EYA1: variants seen among roughly 807,000 people sequenced by gnomAD.
EYA1 encodes EYA transcriptional coactivator and phosphatase 1.
EYA1 carries 16 observed loss-of-function variants against 82.0 expected under a neutral mutation model. The ratio of observed to expected loss-of-function variants is 0.20; its 90% CI spans 0.13 to 0.30. EYA1 has a LOEUF of 0.30. Ranked by LOEUF, EYA1 falls within the 10% of genes least tolerant of loss-of-function variation. The probability of loss-of-function intolerance (pLI) is 1.00; values close to 1 mark genes in which losing one functional copy is unlikely to be tolerated. For synonymous variants in EYA1, 261 were observed against 264.4 expected (o/e 0.99, Z 0.12); for missense variants, 633 against 730.7 (o/e 0.87, Z 1.54).
chr8:71,428,782 G>C (rs1805422645), intron 2 of EYA1, among the ~76,000 whole-genome samples: 1 of 152,084 alleles, frequency 6.6e-6, no homozygotes, highest in Admixed American at 6.6e-5. Flanking sequence ...TTCAGCATGT[G>C]ACTTAAAAAA....
intron 2 of EYA1, among the ~76,000 whole-genome samples, chr8:71,525,457 T>A (rs534321090): frequency 6.6e-6 from 1 of 152,124 alleles, no homozygotes; most frequent in Admixed American, 6.5e-5. Flanking sequence ...TTAGAAAAAT[T>A]TTTCAATGAA....
At chr8:71,271,723 C>A (rs761068564) in intron 10 of EYA1, 35 bp downstream of exon 10, 2 of 1,613,986 alleles carry the variant, frequency 1.2e-6, no homozygotes, top group Non-Finnish European at 1.7e-6. Context: ...TATTAAGACA[C>A]CTTTCTATTC....
chr8:71,271,436 A>G (rs1816518443), intron 10 of EYA1, among the ~76,000 whole-genome samples: 1 of 152,178 alleles, frequency 6.6e-6, no homozygotes, highest in Non-Finnish European at 1.5e-5. Context: ...TATTTTTAGT[A>G]TGACACTTAA....
chr8:71,202,631 G>A (rs773984722), intron 17 of EYA1, among the ~76,000 whole-genome samples: 16 of 152,160 alleles, frequency 1.1e-4, no homozygotes, highest in Non-Finnish European at 1.8e-4. Flanking sequence ...TTGGGCAGAA[G>A]AGCCAAAGGT....
intron 12 of EYA1, among the ~76,000 whole-genome samples, chr8:71,232,362 C>T (rs540284364): frequency 6.6e-6 from 1 of 152,384 alleles, no homozygotes; most frequent in East Asian, 1.9e-4. Flanking sequence ...GGCTCCGCTG[C>T]ATGCCGTGAC....
intron 11 of EYA1, among the ~76,000 whole-genome samples, chr8:71,251,728 C>T (rs1302827964): frequency 6.6e-6 from 1 of 152,164 alleles, no homozygotes; most frequent in African/African-American, 2.4e-5. Flanking sequence ...AGATCTCTTT[C>T]TCTTATTTCT....
intron 9 of EYA1, among the ~76,000 whole-genome samples, chr8:71,296,711 C>G (rs1236506782): frequency 6.6e-6 from 1 of 151,680 alleles, no homozygotes; most frequent in Non-Finnish European, 1.5e-5. Context: ...TACCTCAAAA[C>G]AGAAATTGTT....
At chr8:71,305,705 T>C (rs1820661212) in intron 7 of EYA1, among the ~76,000 whole-genome samples, 1 of 151,506 alleles carries the variant, frequency 6.6e-6, no homozygotes, top group Admixed American at 6.6e-5. Flanking sequence ...ATGGTTATTA[T>C]TATTTTTTTT....
At chr8:71,388,658 CAAAT>C (rs1242228778) in intron 2 of EYA1, among the ~76,000 whole-genome samples, 3 of 152,058 alleles carry the variant, frequency 2.0e-5, no homozygotes, top group East Asian at 3.9e-4. Context: ...CCACATTACA[CAAAT>C]AAAAACACAG....
intron 2 of EYA1, among the ~76,000 whole-genome samples, chr8:71,496,280 A>G (rs558273202): frequency 3.3e-5 from 5 of 152,338 alleles, no homozygotes; most frequent in South Asian, 2.1e-4. Flanking sequence ...GAGCCTGTAC[A>G]GCTAAGCTAA....
At position 71,462,173 on chromosome 8, in the gene EYA1, C is replaced by T. The variant is rs1586764887; in HGVS notation, c.33+73571G>A. 2.6e-5 allele frequency among the ~76,000 whole-genome samples: 4 copies of T among 152,156 alleles called. No homozygotes were observed. The South Asian group carries it at 8.3e-4, about 31-fold the overall frequency. On this transcript the variant is annotated intron_variant, in intron 2 of 18. Transcript: ENST00000643681. ...CAGGAGCCTGTCTGCCTCCTGCCAC[C>T]GTCCATGGTGCCCAGGCTGCTGGAG...
intron 17 of EYA1, among the ~76,000 whole-genome samples, chr8:71,210,286 A>T (rs1000489402): frequency 2.0e-5 from 3 of 152,230 alleles, no homozygotes; most frequent in Admixed American, 6.5e-5. Context: ...ACATGAATTA[A>T]ATTTTGCAAA....
Position 71,216,855 on chromosome 8 carries a change from A to G in EYA1, c.1200-3T>C, listed in dbSNP as rs201702313. ...CATCTGTTCCAAAGTTATATGTGCT[A>G]TTTATATGCAAGAAAAGCCCAAAGT... On this transcript the variant is annotated splice_polypyrimidine_tract_variant and splice_region_variant and intron_variant, in intron 13 of 17. Coordinates refer to ENST00000340726, the MANE Select transcript of EYA1 (RefSeq NM_000503.6). 1.9e-6 allele frequency: 3 copies of G among 1,614,156 alleles called. No individual in the cohort carries two copies. The highest frequency in any genetic ancestry group is 4.5e-5 in the East Asian group (2 of 44,876).
intron 2 of EYA1, among the ~76,000 whole-genome samples, chr8:71,472,675 T>C (rs1809301975): frequency 6.6e-6 from 1 of 151,608 alleles, no homozygotes; most frequent in South Asian, 2.1e-4. Context: ...CTGCCAGCCA[T>C]TGAATAACAT....
chr8:71,315,770 G>T (rs1306107580), intron 7 of EYA1, among the ~76,000 whole-genome samples: 1 of 152,128 alleles, frequency 6.6e-6, no homozygotes, highest in Non-Finnish European at 1.5e-5. Context: ...TTCCAAGGCT[G>T]CATAAAAGTT....
chr8:71,394,931 A>G (rs1829501029), intron 2 of EYA1, among the ~76,000 whole-genome samples: 1 of 152,172 alleles, frequency 6.6e-6, no homozygotes, highest in African/African-American at 2.4e-5. Flanking sequence ...TGAGCGTGGA[A>G]TGTTCTTCCA....
intron 11 of EYA1, among the ~76,000 whole-genome samples, chr8:71,251,458 G>A (rs542220423): frequency 1.3e-5 from 2 of 152,214 alleles, no homozygotes; most frequent in South Asian, 2.1e-4. Context: ...ACCCTGCTCC[G>A]AAATTATTTG....
At chr8:71,404,165 A>G (rs1830096137) in intron 2 of EYA1, 1 of 152,242 alleles carries the variant, frequency 6.6e-6, no homozygotes, top group Non-Finnish European at 1.5e-5. Context: ...TAAGAAAGGA[A>G]GTGATCTCAT....
intron 3 of EYA1, among the ~76,000 whole-genome samples, chr8:71,352,205 C>A (rs1826373639): frequency 6.6e-6 from 1 of 152,060 alleles, no homozygotes; most frequent in Non-Finnish European, 1.5e-5. Flanking sequence ...TGACTACACG[C>A]CAGAGAAGTT....
Sources: allele counts gnomAD v4.1 joint callset (sites outside exome capture counted in the v4.1 genomes callset), GRCh38; gene constraint gnomAD v4.1.1; transcripts MANE v1.5; gene names NCBI Gene and HGNC (gene_info 2026-07-23, HGNC 2026-07-21).